SLC35A3: variants seen among roughly 807,000 people sequenced by gnomAD.
SLC35A3 encodes the protein UDP-N-acetylglucosamine transporter.
In SLC35A3, 26 loss-of-function variants were observed where a neutral mutation model predicts 39.0. That is an observed-to-expected ratio of 0.67 (90% CI 0.49 to 0.92). The LOEUF is 0.92. Ranked by LOEUF, SLC35A3 falls within the 40% of genes least tolerant of loss-of-function variation. SLC35A3 has a pLI of 0.00. For synonymous variants in SLC35A3, 135 were observed against 133.1 expected (o/e 1.01, Z -0.10); for missense variants, 299 against 371.6 (o/e 0.80, Z 1.61).
chr1:99,979,204 A>G (rs544902844), intron 1 of SLC35A3, among the ~76,000 whole-genome samples: 12 of 152,294 alleles, frequency 7.9e-5, no homozygotes, highest in African/African-American at 2.9e-4. Flanking sequence ...CAGAAATCCA[A>G]AATTAATATA....
chr1:100,022,310 T>A (rs1036294438), intron 7 of SLC35A3, 76 bp from the exon 8 acceptor site: 2 of 734,556 alleles, frequency 2.7e-6, no homozygotes, highest in East Asian at 2.7e-5. Flanking sequence ...ATTGTTTTTA[T>A]AGTAAAGAAA....
In SLC35A3 at chr1:100,034,926, C is replaced by A. The variant is rs75904885; in HGVS notation, c.*12450C>A. The A allele has an allele frequency of 1.3e-5, 2 of 152,140 alleles. No homozygotes were observed. Among genetic ancestry groups the A allele is most frequent in the Non-Finnish European group, 2.9e-5 (2 of 68,034 alleles). 9.4% of individuals were successfully genotyped at this position (152,140 alleles called of 1,614,324 possible). A position where few individuals can be genotyped will look rare whatever the true frequency, so the allele number is the denominator to read the frequency against. The stretch of plus-strand genomic sequence containing the variant: ...GCCTTCTCATTAATTTTCAAAACTT[C>A]CAATATCCTTCCAAATAATTCCCTT... On this transcript the variant is annotated 3_prime_UTR_variant, in exon 8 of 8. Transcript: ENST00000533028.
In SLC35A3 at chr1:100,031,807, C is replaced by G. The variant is rs1368592396; in HGVS notation, c.*9331C>G. The stretch of plus-strand genomic sequence containing the variant: ...AGGTTAATGCTTTGTATTTGATTGT[C>G]TCCTTTGGTCTTGAAGTCCCCTTCC... On this transcript the variant is annotated 3_prime_UTR_variant, in exon 8 of 8. Transcript: ENST00000533028. 6.6e-6 allele frequency: 1 copy of G among 152,052 alleles called. No individual in the cohort carries two copies. Among genetic ancestry groups the G allele is most frequent in the Non-Finnish European group, 1.5e-5 (1 of 68,020 alleles). 9.4% of individuals were successfully genotyped at this position (152,052 alleles called of 1,614,324 possible).
chr1:100,013,445 C>CAA lies in SLC35A3; in HGVS notation c.635-1840_635-1839dup, dbSNP rs59892113. Among the ~76,000 whole-genome samples, 312 of 59,526 alleles carry CAA rather than the reference C, an allele frequency of 5.2e-3. 5 individuals carry two copies. The highest frequency in any genetic ancestry group is 0.016 in the African/African-American group (301 of 19,118). 39.1% of individuals were successfully genotyped at this position (59,526 alleles called of 152,430 possible). Reference sequence around the variant, plus strand: ...CTGAGCAACACTACAAAACTCTGTACAAAAAAAAAAAAAAAAAATTAGCTG... The same window carrying CAA: ...CTGAGCAACACTACAAAACTCTGTACAAAAAAAAAAAAAAAAAAAATTAGCTG... On this transcript the variant is annotated intron_variant, in intron 5 of 7. Coordinates refer to ENST00000533028, the MANE Select transcript of SLC35A3 (RefSeq NM_012243.3).
intron 1 of SLC35A3, chr1:99,974,923 T>G (rs972831810): frequency 6.6e-6 from 1 of 152,062 alleles, no homozygotes; most frequent in Non-Finnish European, 1.5e-5. Flanking sequence ...AAACATTTAA[T>G]GCAAACCAGT....
At chr1:100,015,578 T>G in intron 6 of SLC35A3, 158 bp downstream of exon 6, 3 of 708,594 alleles carry the variant, frequency 4.2e-6, no homozygotes, top group South Asian at 5.2e-5. Flanking sequence ...GAAGTGATCT[T>G]AATGCTGTAA....
rs984832402 is a variant in SLC35A3 at position 100,024,464 on chromosome 1, T to C, written c.*1988T>C. On this transcript the variant is annotated 3_prime_UTR_variant, in exon 8 of 8. Coordinates refer to ENST00000533028, the MANE Select transcript of SLC35A3 (RefSeq NM_012243.3). Reference sequence around the variant, plus strand: ...TACTCAGGAGGCTGAGGCAGGAGAATTTCTTGAACACACCAGGTGGAAGTT... The same window carrying C: ...TACTCAGGAGGCTGAGGCAGGAGAACTTCTTGAACACACCAGGTGGAAGTT... 6.6e-6 allele frequency: 1 copy of C among 151,490 alleles called. No homozygotes were observed. Among genetic ancestry groups the C allele is most frequent in the Non-Finnish European group, 1.5e-5 (1 of 68,132 alleles). The allele number at this position is 151,490 out of a possible 1,614,324, so 9.4% of individuals were successfully genotyped here. A position where few individuals can be genotyped will look rare whatever the true frequency, so the allele number is the denominator to read the frequency against.
chr1:99,989,768 A>C (rs894833294), intron 1 of SLC35A3, among the ~76,000 whole-genome samples: 16 of 151,846 alleles, frequency 1.1e-4, no homozygotes, highest in Non-Finnish European at 2.9e-5. Flanking sequence ...TTAATTTATT[A>C]TTGTTTTATT....
In SLC35A3 at chr1:99,997,411, TA is replaced by T. The variant is rs1296166700; in HGVS notation, c.188-1849del. On this transcript the variant is annotated intron_variant, in intron 2 of 7. Coordinates refer to ENST00000533028, the MANE Select transcript of SLC35A3 (RefSeq NM_012243.3). ...CAGTTATATGTTTTATATATAGTTT[TA>T]TATATATATATATATATATATATAT... Among the ~76,000 whole-genome samples, 33 of 4,840 alleles carry T rather than the reference TA, an allele frequency of 6.8e-3. No homozygotes were observed. In the East Asian group the frequency reaches 0.14, roughly 20 times the overall value. The allele number at this position is 4,840 out of a possible 152,430, so 3.2% of individuals were successfully genotyped here.
At position 100,031,444 on chromosome 1, in the gene SLC35A3, A is replaced by G. The variant is rs986776694; in HGVS notation, c.*8968A>G. On this transcript the variant is annotated 3_prime_UTR_variant, in exon 8 of 8. Coordinates refer to ENST00000533028, the MANE Select transcript of SLC35A3 (RefSeq NM_012243.3). The stretch of plus-strand genomic sequence containing the variant: ...CATTATGACACCTAAGAAAATTTAA[A>G]TTAATTCAGGTCACTTCATCTAAGT... 2 of 152,328 alleles carry G rather than the reference A, an allele frequency of 1.3e-5. No homozygotes were observed. The highest frequency in any genetic ancestry group is 2.4e-5 in the African/African-American group (1 of 41,578). The allele number at this position is 152,328 out of a possible 1,614,324, so 9.4% of individuals were successfully genotyped here.
rs1199622853 is a variant in SLC35A3, at chr1:100,030,081, T to G, written c.*7605T>G. On this transcript the variant is annotated 3_prime_UTR_variant, in exon 8 of 8. Coordinates refer to ENST00000533028, the MANE Select transcript of SLC35A3 (RefSeq NM_012243.3). Reference sequence around the variant, plus strand: ...TAAAACCTGATACCAGTTGTTATTTTGGCTCACAGTAGGGCTTCACTAGTG... The same window carrying G: ...TAAAACCTGATACCAGTTGTTATTTGGGCTCACAGTAGGGCTTCACTAGTG... 6.6e-6 allele frequency: 1 copy of G among 152,210 alleles called. No individual in the cohort carries two copies. The highest frequency in any genetic ancestry group is 1.5e-5 in the Non-Finnish European group (1 of 68,020). 9.4% of individuals were successfully genotyped at this position (152,210 alleles called of 1,614,324 possible).
chr1:100,016,246 G>A (rs1645763109), intron 6 of SLC35A3, among the ~76,000 whole-genome samples: 1 of 151,484 alleles, frequency 6.6e-6, no homozygotes, highest in South Asian at 2.1e-4. Context: ...TGTATTTTTA[G>A]TAGAGACGGG....
Position 100,024,630 on chromosome 1 carries a change from T to TG in SLC35A3, c.*2154_*2155insG, listed in dbSNP as rs2101520695. 1 of 363,742 alleles carries TG rather than the reference T, an allele frequency of 2.7e-6. No homozygotes were observed. The highest frequency in any genetic ancestry group is 4.0e-5 in the East Asian group (1 of 24,854). 22.5% of individuals were successfully genotyped at this position (363,742 alleles called of 1,614,324 possible). On this transcript the variant is annotated 3_prime_UTR_variant, in exon 8 of 8. Transcript: ENST00000533028. ...AAAAAAATAAAATACTTCTTTTTTTTTTTTTTTGAGACAGAGTCTCACTTT... is the reference window on the plus strand; with the variant it reads ...AAAAAAATAAAATACTTCTTTTTTTTGTTTTTTTGAGACAGAGTCTCACTTT...
chr1:100,033,602 T>A lies in SLC35A3; in HGVS notation c.*11126T>A, dbSNP rs747504682. ...ATGCTCTAATTTATACTGATAACATTTTATATAATGCATTTAGAGTCCCCA... is the reference window on the plus strand; with the variant it reads ...ATGCTCTAATTTATACTGATAACATATTATATAATGCATTTAGAGTCCCCA... On this transcript the variant is annotated 3_prime_UTR_variant, in exon 8 of 8. Coordinates refer to ENST00000533028, the MANE Select transcript of SLC35A3 (RefSeq NM_012243.3). The A allele has an allele frequency of 2.4e-4, 36 of 152,132 alleles. No homozygotes were observed. The highest frequency in any genetic ancestry group is 7.4e-5 in the Non-Finnish European group (5 of 68,024). 9.4% of individuals were successfully genotyped at this position (152,132 alleles called of 1,614,324 possible). A position where few individuals can be genotyped will look rare whatever the true frequency, so the allele number is the denominator to read the frequency against.
intron 3 of SLC35A3, among the ~76,000 whole-genome samples, chr1:100,001,125 TGG>T (rs1198830173): frequency 6.6e-6 from 1 of 152,160 alleles, no homozygotes; most frequent in Non-Finnish European, 1.5e-5. Flanking sequence ...GTAGTATATT[TGG>T]AAGTCATAGT....
chr1:99,977,509 T>C (rs1234408642), intron 1 of SLC35A3, among the ~76,000 whole-genome samples: 1 of 141,974 alleles, frequency 7.0e-6, no homozygotes, highest in Non-Finnish European at 1.5e-5. Context: ...GCCATTGCAC[T>C]CCAGCTTGGG....
rs1182625390 is a variant in SLC35A3, at chr1:99,985,437, A to G, written c.-18-8100A>G. On this transcript the variant is annotated intron_variant, in intron 1 of 7. Coordinates refer to ENST00000533028, the MANE Select transcript of SLC35A3 (RefSeq NM_012243.3). ...TCCATTGGTCTATGTGCCTATTTTT[A>G]TAACAGTACCATGCTGTTTTAGTGA... Among the ~76,000 whole-genome samples, 3 of 152,138 alleles carry G rather than the reference A, an allele frequency of 2.0e-5. No individual in the cohort carries two copies. The East Asian group carries it at 5.8e-4, about 29-fold the overall frequency.
chr1:99,974,689 T>C (rs1557817320), intron 1 of SLC35A3, among the ~76,000 whole-genome samples: 1 of 152,186 alleles, frequency 6.6e-6, no homozygotes, highest in Admixed American at 6.5e-5. Context: ...TCTTGGTTCA[T>C]GTCTGAGCTC....
In SLC35A3 at chr1:99,993,717, A is replaced by G; in HGVS notation, c.163A>G (p.Ile55Val). ...TGAACTTTTGAAGATAATGGCCTGC[A>G]TTTTATTGGTCTACAAAGACAGCAG... Reference protein sequence around the residue: ...VAELLKIMACILLVYKDSKCS... With the variant: ...VAELLKIMACVLLVYKDSKCS... Residue 55 changes from isoleucine to valine, a missense_variant, in exon 2 of 8, where the codon ATT becomes GTT. Physicochemically the swap from Ile to Val is conservative, Grantham distance 29. Transcript: ENST00000533028. 6.2e-7 allele frequency: 1 copy of G among 1,613,918 alleles called. No homozygotes were observed. The highest frequency in any genetic ancestry group is 2.2e-5 in the East Asian group (1 of 44,832).
Sources: allele counts gnomAD v4.1 joint callset (sites outside exome capture counted in the v4.1 genomes callset), GRCh38; gene constraint gnomAD v4.1.1; transcripts MANE v1.5; gene names NCBI Gene and HGNC (gene_info 2026-07-23, HGNC 2026-07-21).